TRMT2B: variants seen among roughly 807,000 people sequenced by gnomAD.
TRMT2B encodes the protein tRNA methyltransferase 2B.
In TRMT2B, 34 loss-of-function variants were observed where a neutral mutation model predicts 39.7. The observed-to-expected ratio is 0.86, with a 90% CI of 0.65 to 1.14. The LOEUF (loss-of-function observed/expected upper bound fraction) is 1.14. Ranked by LOEUF, TRMT2B falls within the 50% of genes most tolerant of loss-of-function variation. The probability of loss-of-function intolerance (pLI) is 0.00; values close to 1 mark genes in which losing one functional copy is unlikely to be tolerated. For synonymous variants in TRMT2B, 132 were observed against 137.3 expected, an observed-to-expected ratio of 0.96 and a Z score of 0.27; for missense variants, 318 against 377.2, an observed-to-expected ratio of 0.84 and a Z score of 1.30.
intron 11 of TRMT2B, among the ~76,000 whole-genome samples, chrX:101,019,741 C>T: frequency 9.2e-6 from 1 of 108,455 alleles, no homozygotes; most frequent in East Asian, 2.9e-4. Context: ...TCAAGCAATT[C>T]TCTGCCTCAG....
chrX:101,006,135 C>T (rs969475545), downstream of TRMT2B, among the ~76,000 whole-genome samples: 12 of 109,240 alleles, frequency 1.1e-4, no homozygotes, highest in Non-Finnish European at 1.9e-4. Context: ...GCGAGAGAAA[C>T]GACTTGAACC....
At chrX:101,017,850 G>A (rs1454381375) in intron 13 of TRMT2B, among the ~76,000 whole-genome samples, 2 of 112,254 alleles carry the variant, frequency 1.8e-5, no homozygotes, top group Non-Finnish European at 3.8e-5. Context: ...GGTTCAACAA[G>A]CACAAGGGCA....
chrX:100,980,725 C>A, the TRMT2B span, among the ~76,000 whole-genome samples: 4 of 111,878 alleles, frequency 3.6e-5, no homozygotes, highest in East Asian at 1.1e-3. Flanking sequence ...AATACCAGGT[C>A]TTGGCCAAGG....
the TRMT2B span, among the ~76,000 whole-genome samples, chrX:100,992,206 G>GAA: frequency 9.5e-6 from 1 of 104,993 alleles, no homozygotes. Context: ...TGGGGGTGAG[G>GAA]AAAAAAAAAA....
chrX:101,023,469 C>T lies in TRMT2B; in HGVS notation c.756+1G>A, dbSNP rs200164478. 17 of 1,206,463 alleles carry T rather than the reference C, an allele frequency of 1.4e-5. No individual in the cohort carries two copies. The highest frequency in any genetic ancestry group is 1.3e-5 in the Non-Finnish European group (12 of 891,449). Reference sequence around the variant, plus strand: ...GTTGCTTAACATCTTGTGAGGCTCACCTGACTTAATTTCTGGGGATGGAAA... The same window carrying T: ...GTTGCTTAACATCTTGTGAGGCTCATCTGACTTAATTTCTGGGGATGGAAA... On this transcript the variant is annotated splice_donor_variant, in intron 8 of 13. Transcript: ENST00000372936. LOFTEE classifies it high-confidence loss of function.
chrX:101,042,020 A>G (rs765152744), intron 3 of TRMT2B, 22 bp downstream of exon 3: 25 of 1,208,577 alleles, frequency 2.1e-5, no homozygotes, highest in Non-Finnish European at 2.7e-5. Flanking sequence ...CTAAGGAGAG[A>G]GGACATCAGC....
chrX:101,039,388 A>G (rs1158711191), intron 4 of TRMT2B, among the ~76,000 whole-genome samples: 2 of 112,072 alleles, frequency 1.8e-5, no homozygotes, highest in African/African-American at 6.5e-5. Context: ...TTTAATCTAA[A>G]TTTTAATTAA....
chrX:101,026,275 G>A (rs2087080763), intron 7 of TRMT2B, among the ~76,000 whole-genome samples: 1 of 109,944 alleles, frequency 9.1e-6, no homozygotes, highest in Non-Finnish European at 1.9e-5. Flanking sequence ...TCAGGAGTTT[G>A]AGACCAGCCC....
the TRMT2B span, among the ~76,000 whole-genome samples, chrX:100,998,274 A>G: frequency 1.2e-4 from 13 of 108,646 alleles, 1 homozygote; most frequent in South Asian, 4.0e-3. Context: ...AAAAAAAAAA[A>G]AAGAAGAAAA....
chrX:100,987,549 T>A, the TRMT2B span: 2 of 1,210,394 alleles, frequency 1.7e-6, no homozygotes, highest in Non-Finnish European at 2.2e-6. Flanking sequence ...AAGATGCTCA[T>A]CACACAGGTA....
intron 9 of TRMT2B, among the ~76,000 whole-genome samples, 199 bp from the exon 10 acceptor site, chrX:101,021,514 A>G (rs1268327627): frequency 9.0e-6 from 1 of 111,559 alleles, no homozygotes; most frequent in East Asian, 2.8e-4. Flanking sequence ...CTGTAATCCA[A>G]GCTACTCAGG....
At chrX:101,043,321 C>T (rs1470898918) in intron 2 of TRMT2B, among the ~76,000 whole-genome samples, 1 of 109,949 alleles carries the variant, frequency 9.1e-6, no homozygotes, top group African/African-American at 3.3e-5. Flanking sequence ...CCTGTAATCC[C>T]AACACTTTGG....
chrX:101,019,985 C>T (rs901663768), intron 11 of TRMT2B, among the ~76,000 whole-genome samples: 27 of 110,990 alleles, frequency 2.4e-4, no homozygotes, highest in Non-Finnish European at 1.9e-4. Flanking sequence ...AGATGAGAAC[C>T]TTGACTTTTG....
downstream of TRMT2B, among the ~76,000 whole-genome samples, chrX:101,006,802 T>TAA (rs5903176): frequency 1.5e-4 from 16 of 105,809 alleles, no homozygotes; most frequent in Middle Eastern, 4.7e-3. Flanking sequence ...GACTCTGTCT[T>TAA]AAAAAAAAAA....
At position 101,032,363 on chromosome X, in the gene TRMT2B, G is replaced by A. The variant is rs190850488; in HGVS notation, c.609+3250C>T. ...AGCACTTTGGGAGGCTGAGGTGGGC[G>A]AATCACGAGGTCAGGAGATCGAGAC... On this transcript the variant is annotated intron_variant, in intron 7 of 13. Coordinates refer to ENST00000372936, the MANE Select transcript of TRMT2B (RefSeq NM_024917.6). Among the ~76,000 whole-genome samples the A allele has an allele frequency of 1.3e-3, 144 of 108,161 alleles. No individual in the cohort carries two copies. In the Middle Eastern group the frequency reaches 0.015, roughly 11 times the overall value. 93.9% of individuals were successfully genotyped at this position (108,161 alleles called of 115,157 possible). A position where few individuals can be genotyped will look rare whatever the true frequency, so the allele number is the denominator to read the frequency against.
chrX:100,987,681 T>C, the TRMT2B span: 3 of 752,684 alleles, frequency 4.0e-6, no homozygotes, highest in African/African-American at 4.2e-5. Context: ...CTTGATATCA[T>C]TGGCTCAAAT....
At position 101,042,219 on chromosome X, in the gene TRMT2B, G is replaced by C; in HGVS notation, c.71C>G (p.Ser24Cys). The C allele has an allele frequency of 8.3e-7, 1 of 1,212,040 alleles. No homozygotes were observed. The part of the protein sequence containing the change: ...RYFISMVGLF[S>C]KPGLLPWYAR... ...ATACCAGGGAAGCAGTCCTGGTTTG[G>C]AGAAGAGACCCACCATGGAGATGAA... The change falls in exon 3 of 14, where the codon TCC becomes TGC. Residue 24 changes from serine to cysteine, a missense_variant. By Grantham distance (112) the Ser-to-Cys change is moderately radical. Transcript: ENST00000372936.
At chrX:101,030,567 C>T (rs771854182) in intron 7 of TRMT2B, among the ~76,000 whole-genome samples, 47 of 106,708 alleles carry the variant, frequency 4.4e-4, no homozygotes, top group African/African-American at 1.6e-3. Flanking sequence ...TCTGCCTCAG[C>T]CTCCTGAGAA....
chrX:101,005,008 C>T (rs1337809774), downstream of TRMT2B, among the ~76,000 whole-genome samples: 4 of 111,133 alleles, frequency 3.6e-5, no homozygotes, highest in African/African-American at 1.3e-4. Flanking sequence ...ACCTTAAAAT[C>T]AGACAAATCC....
Sources: allele counts gnomAD v4.1 joint callset (sites outside exome capture counted in the v4.1 genomes callset), GRCh38; gene constraint gnomAD v4.1.1; transcripts MANE v1.5; gene names NCBI Gene and HGNC (gene_info 2026-07-23, HGNC 2026-07-21).